Variants in NTM observed in about 807,000 individuals in gnomAD.
NTM encodes IgLON family member 2.
NTM carries 13 observed loss-of-function variants against 42.1 expected under a neutral mutation model. The observed-to-expected ratio is 0.31, with a 90% CI of 0.20 to 0.49. The LOEUF (loss-of-function observed/expected upper bound fraction) is 0.49, where lower values mean the gene tolerates loss of function less well. NTM is among the 20% of genes least tolerant of loss of function. The pLI is 0.99. For synonymous variants in NTM, 187 were observed against 179.2 expected (o/e 1.04, Z -0.35); for missense variants, 373 against 452.8 (o/e 0.82, Z 1.60).
intron 1 of NTM, among the ~76,000 whole-genome samples, chr11:131,533,157 C>A (rs1016173430): frequency 6.6e-6 from 1 of 152,052 alleles, no homozygotes; most frequent in Admixed American, 6.6e-5. Context: ...TCCCCCATGG[C>A]CAAAAGTAAT....
chr11:132,065,251 C>T (rs1261371577), intron 2 of NTM, among the ~76,000 whole-genome samples: 2 of 152,178 alleles, frequency 1.3e-5, no homozygotes, highest in Non-Finnish European at 2.9e-5. Flanking sequence ...CTGGAACATC[C>T]GTGCATAATT....
chr11:132,009,685 G>T (rs1051035545), intron 2 of NTM, among the ~76,000 whole-genome samples: 2 of 152,222 alleles, frequency 1.3e-5, no homozygotes, highest in African/African-American at 4.8e-5. Context: ...CTGCTTCCAA[G>T]GAAAGCGTGC....
intron 4 of NTM, among the ~76,000 whole-genome samples, chr11:132,237,603 A>C (rs2089277695): frequency 6.6e-6 from 1 of 152,148 alleles, no homozygotes; most frequent in Non-Finnish European, 1.5e-5. Context: ...TCAGCATCTC[A>C]GGCTGAGGGC....
chr11:131,987,477 C>T (rs1392627615), intron 2 of NTM, among the ~76,000 whole-genome samples: 3 of 151,680 alleles, frequency 2.0e-5, no homozygotes, highest in Admixed American at 2.0e-4. Context: ...CAAAATTTGA[C>T]CCATTAAGCT....
chr11:132,056,288 G>T (rs1470998019), intron 2 of NTM, among the ~76,000 whole-genome samples: 1 of 152,218 alleles, frequency 6.6e-6, no homozygotes, highest in African/African-American at 2.4e-5. Context: ...CTATGAGAAA[G>T]AGAGCAAGAC....
chr11:131,859,312 A>G (rs1241593858), intron 1 of NTM, among the ~76,000 whole-genome samples: 1 of 152,220 alleles, frequency 6.6e-6, no homozygotes, highest in Non-Finnish European at 1.5e-5. Flanking sequence ...GGTTTCAAGA[A>G]AGCTCTTATT....
chr11:131,776,096 T>A (rs1447766823), intron 1 of NTM, among the ~76,000 whole-genome samples: 1 of 152,206 alleles, frequency 6.6e-6, no homozygotes, highest in Non-Finnish European at 1.5e-5. Context: ...GCTGAGAACC[T>A]TGAGGCTATC....
intron 1 of NTM, among the ~76,000 whole-genome samples, chr11:131,472,978 T>C (rs1218861993): frequency 4.6e-5 from 7 of 152,196 alleles, no homozygotes; most frequent in African/African-American, 7.2e-5. Flanking sequence ...GTACATAGAA[T>C]AGGTTTTGGT....
At chr11:131,790,136 G>A (rs1565555039) in intron 1 of NTM, among the ~76,000 whole-genome samples, 1 of 151,988 alleles carries the variant, frequency 6.6e-6, no homozygotes. Flanking sequence ...TTATGAATAT[G>A]GACATAGAAG....
chr11:131,737,510 T>G (rs769647694), intron 1 of NTM, among the ~76,000 whole-genome samples: 1 of 152,238 alleles, frequency 6.6e-6, no homozygotes, highest in African/African-American at 2.4e-5. Context: ...TGTTGATTTT[T>G]CGGCATTTTC....
chr11:132,206,261 C>A (rs1460881579), intron 3 of NTM, among the ~76,000 whole-genome samples: 2 of 152,158 alleles, frequency 1.3e-5, no homozygotes, highest in East Asian at 3.8e-4. Context: ...CTTGTCACTG[C>A]CTGTAGGATA....
chr11:131,511,763 A>T (rs1260759939), intron 1 of NTM, among the ~76,000 whole-genome samples: 1 of 152,196 alleles, frequency 6.6e-6, no homozygotes, highest in Non-Finnish European at 1.5e-5. Context: ...AATAGGCAAC[A>T]TCTAGTTCCA....
intron 1 of NTM, chr11:131,385,353 C>T (rs1051388283): frequency 6.6e-5 from 10 of 152,172 alleles, no homozygotes; most frequent in Non-Finnish European, 1.3e-4. Flanking sequence ...ACCATAAAAC[C>T]ATGATGTTTC....
At chr11:131,914,455 TG>T (rs2055916524) in intron 2 of NTM, among the ~76,000 whole-genome samples, 1 of 152,210 alleles carries the variant, frequency 6.6e-6, no homozygotes, top group Non-Finnish European at 1.5e-5. Context: ...TGGTGATACA[TG>T]TAGTTTTCTT....
intron 1 of NTM, among the ~76,000 whole-genome samples, chr11:131,727,217 C>A (rs140683199): frequency 1.3e-5 from 2 of 152,152 alleles, no homozygotes; most frequent in Middle Eastern, 3.4e-3. Flanking sequence ...CCTCTTGGAG[C>A]ATCTGGCTTC....
At chr11:132,124,758 C>T (rs2065398529) in intron 2 of NTM, among the ~76,000 whole-genome samples, 1 of 152,210 alleles carries the variant, frequency 6.6e-6, no homozygotes, top group Admixed American at 6.5e-5. Flanking sequence ...AGGAGGATTG[C>T]CTGAGTCCAG....
intron 1 of NTM, among the ~76,000 whole-genome samples, chr11:131,580,692 G>A (rs1158866355): frequency 1.3e-5 from 2 of 152,180 alleles, no homozygotes; most frequent in East Asian, 1.9e-4. Flanking sequence ...TCTCAAAGCC[G>A]ACAGTGGGTG....
intron 1 of NTM, among the ~76,000 whole-genome samples, chr11:131,671,934 C>T (rs1201096112): frequency 6.6e-6 from 1 of 152,144 alleles, no homozygotes; most frequent in Non-Finnish European, 1.5e-5. Flanking sequence ...AGGCCTCTGT[C>T]CCGGCTCCAC....
intron 1 of NTM, among the ~76,000 whole-genome samples, chr11:131,863,002 G>A (rs2046800632): frequency 6.6e-6 from 1 of 152,196 alleles, no homozygotes; most frequent in Non-Finnish European, 1.5e-5. Context: ...CTTCCCTTGG[G>A]TAGTACAAGA....
Sources: allele counts gnomAD v4.1 joint callset (sites outside exome capture counted in the v4.1 genomes callset), GRCh38; gene constraint gnomAD v4.1.1; transcripts MANE v1.5; gene names NCBI Gene and HGNC (gene_info 2026-07-23, HGNC 2026-07-21).